LDAH: variants seen among roughly 807,000 people sequenced by gnomAD.
The protein encoded by LDAH is lipid droplet-associated hydrolase.
In LDAH, 26 loss-of-function variants were observed where a neutral mutation model predicts 29.6. The ratio of observed to expected loss-of-function variants is 0.88; its 90% CI spans 0.64 to 1.22. LDAH has a LOEUF of 1.22. LDAH is among the 50% of genes most tolerant of loss of function. The probability of loss-of-function intolerance (pLI) is 0.00; values close to 1 mark genes in which losing one functional copy is unlikely to be tolerated. For synonymous variants in LDAH, 117 were observed against 133.0 expected (o/e 0.88, Z 0.83); for missense variants, 344 against 387.3 (o/e 0.89, Z 0.94).
chr2:20,702,033 G>C (rs1038426723), intron 5 of LDAH, among the ~76,000 whole-genome samples: 2 of 150,410 alleles, frequency 1.3e-5, no homozygotes, highest in African/African-American at 4.9e-5. Context: ...AATGCAAACA[G>C]TTACTAACAT....
chr2:20,801,958 ATGTGTGTGTG>A (rs201368706), intron 1 of LDAH, among the ~76,000 whole-genome samples: 2 of 138,562 alleles, frequency 1.4e-5, no homozygotes, highest in African/African-American at 5.4e-5. Flanking sequence ...GTGTGTGTGT[ATGTGTGTGTG>A]TGTGTGTGTA....
At chr2:20,731,847 TTC>T (rs1491052706) in intron 5 of LDAH, among the ~76,000 whole-genome samples, 1 of 151,390 alleles carries the variant, frequency 6.6e-6, no homozygotes, top group Non-Finnish European at 1.5e-5. Context: ...TGTCATTTTT[TTC>T]TTTTAGTTTT....
chr2:20,790,022 T>C (rs1336424214), intron 3 of LDAH, among the ~76,000 whole-genome samples: 3 of 152,216 alleles, frequency 2.0e-5, no homozygotes, highest in African/African-American at 7.2e-5. Flanking sequence ...TGATTACTAA[T>C]TGGTAAATAA....
At chr2:20,789,461 T>C in intron 3 of LDAH, 2 of 1,411,930 alleles carry the variant, frequency 1.4e-6, no homozygotes, top group Non-Finnish European at 1.9e-6. Context: ...ACTTAGTCTA[T>C]GGTATTTTGC....
At chr2:20,703,005 T>C (rs936452816) in intron 5 of LDAH, among the ~76,000 whole-genome samples, 1 of 152,224 alleles carries the variant, frequency 6.6e-6, no homozygotes, top group Admixed American at 6.5e-5. Context: ...TTTGTATTTT[T>C]AGTAGAGACA....
intron 1 of LDAH, among the ~76,000 whole-genome samples, chr2:20,807,428 A>T (rs1325927189): frequency 1.3e-5 from 2 of 152,160 alleles, no homozygotes; most frequent in African/African-American, 2.4e-5. Flanking sequence ...TAAGGTTGAG[A>T]TAGATGCAAA....
At chr2:20,742,448 T>C (rs1205427758) in intron 4 of LDAH, among the ~76,000 whole-genome samples, 1 of 152,232 alleles carries the variant, frequency 6.6e-6, no homozygotes, top group African/African-American at 2.4e-5. Flanking sequence ...TGTAGTTCTA[T>C]CAGTTTTTGC....
rs1665317943 is a variant in LDAH at position 20,717,634 on chromosome 2, CATT to C, written c.704-15985_704-15983del. ...GCTTTTCTGCCTCTATGAAAGAAAACATTATCAAATTTAAAAGTAAATTCTTTT... is the reference window on the plus strand; with the variant it reads ...GCTTTTCTGCCTCTATGAAAGAAAACATCAAATTTAAAAGTAAATTCTTTT... On this transcript the variant is annotated intron_variant, in intron 5 of 6. Coordinates refer to ENST00000237822, the MANE Select transcript of LDAH (RefSeq NM_021925.4). Among the ~76,000 whole-genome samples, 3 of 152,156 alleles carry C rather than the reference CATT, an allele frequency of 2.0e-5. No homozygotes were observed. The South Asian group carries it at 6.2e-4, about 31-fold the overall frequency.
In LDAH at chr2:20,774,899, C is replaced by T. The variant is rs754131135; in HGVS notation, c.379G>A (p.Val127Met). Residue 127 changes from valine to methionine, a missense_variant, in exon 4 of 7, where the codon GTG becomes ATG. Coordinates refer to ENST00000237822, the MANE Select transcript of LDAH (RefSeq NM_021925.4). ...EHKLAFLRTH[V>M]PKDMKLVLIG... ...AGCACAAGTTTCATGTCCTTTGGCA[C>T]ATGAGTTCTCAGGAAAGCTAGTTTG... 3 of 1,613,692 alleles carry T rather than the reference C, an allele frequency of 1.9e-6. No homozygotes were observed. Among genetic ancestry groups the T allele is most frequent in the African/African-American group, 1.3e-5 (1 of 75,032 alleles).
intron 4 of LDAH, among the ~76,000 whole-genome samples, chr2:20,764,523 G>A (rs1248630976): frequency 2.0e-5 from 3 of 152,152 alleles, no homozygotes; most frequent in Non-Finnish European, 2.9e-5. Context: ...CCTTGGCCCA[G>A]GCCTCAACAG....
intron 5 of LDAH, among the ~76,000 whole-genome samples, chr2:20,707,949 G>A (rs1233889187): frequency 6.6e-6 from 1 of 152,158 alleles, no homozygotes; most frequent in Non-Finnish European, 1.5e-5. Context: ...ATTGTGAACT[G>A]AGCATGCAAG....
At chr2:20,697,701 T>C (rs1363771538) in intron 6 of LDAH, among the ~76,000 whole-genome samples, 2 of 152,190 alleles carry the variant, frequency 1.3e-5, no homozygotes, top group Non-Finnish European at 2.9e-5. Flanking sequence ...TAACCTTTTC[T>C]AGTTTCTCTA....
intron 4 of LDAH, among the ~76,000 whole-genome samples, chr2:20,773,058 T>C (rs907084655): frequency 6.6e-6 from 1 of 152,184 alleles, no homozygotes; most frequent in African/African-American, 2.4e-5. Context: ...GGCAATTTGA[T>C]ACACAGCAAT....
chr2:20,707,395 C>G (rs1249155599), intron 5 of LDAH, among the ~76,000 whole-genome samples: 1 of 152,208 alleles, frequency 6.6e-6, no homozygotes, highest in Admixed American at 6.5e-5. Flanking sequence ...TGCAATGCCC[C>G]CTCCTTTCAA....
At position 20,801,292 on chromosome 2, in the gene LDAH, C is replaced by T. The variant is rs1204639597; in HGVS notation, c.154+18G>A. On this transcript the variant is annotated intron_variant, in intron 2 of 6. Transcript: ENST00000237822. Reference sequence around the variant, plus strand: ...GAGTATCTACAAAAAGTCTCCTCACCCAGACTTTTACGCTCACCAGGAATA... The same window carrying T: ...GAGTATCTACAAAAAGTCTCCTCACTCAGACTTTTACGCTCACCAGGAATA... 4 of 1,604,402 alleles carry T rather than the reference C, an allele frequency of 2.5e-6. No individual in the cohort carries two copies. Among genetic ancestry groups the T allele is most frequent in the African/African-American group, 2.7e-5 (2 of 74,246 alleles).
chr2:20,790,200 A>G, intron 3 of LDAH, 55 bp downstream of exon 3: 1 of 1,575,820 alleles, frequency 6.3e-7, no homozygotes, highest in East Asian at 2.2e-5. Flanking sequence ...CAAGCTTGCT[A>G]GAAACATGAC....
At chr2:20,710,627 T>TATAGATATAG (rs1558399258) in intron 5 of LDAH, among the ~76,000 whole-genome samples, 165 of 139,210 alleles carry the variant, frequency 1.2e-3, no homozygotes, top group African/African-American at 3.1e-3. Flanking sequence ...TATAGATATA[T>TATAGATATAG]ATATATAGAT....
In LDAH at chr2:20,738,849, A is replaced by C. The variant is rs149002237; in HGVS notation, c.703+1122T>G. Among the ~76,000 whole-genome samples, 8 of 152,348 alleles carry C rather than the reference A, an allele frequency of 5.3e-5. No homozygotes were observed. The South Asian group carries it at 1.2e-3, about 24-fold the overall frequency. The stretch of plus-strand genomic sequence containing the variant: ...ATTTAGAAAAACACCTCCCATATGA[A>C]CTGCAGCTGCACAATTGAACAGGCA... On this transcript the variant is annotated intron_variant, in intron 5 of 6. Transcript: ENST00000237822.
At chr2:20,763,609 A>C (rs1668832741) in intron 4 of LDAH, among the ~76,000 whole-genome samples, 1 of 152,188 alleles carries the variant, frequency 6.6e-6, no homozygotes. Flanking sequence ...GTAGTGATAA[A>C]ATGTGTTGGG....
Sources: gnomAD v4.1 joint callset for allele counts (sites outside exome capture counted in the v4.1 genomes callset) on GRCh38, gnomAD v4.1.1 for gene constraint, MANE v1.5 for transcripts, NCBI Gene and HGNC (gene_info 2026-07-23, HGNC 2026-07-21) for gene names.